The following LRRC7 variants were observed in gnomAD, a reference collection of about 807,000 sequenced individuals.
The protein encoded by LRRC7 is leucine rich repeat containing 7.
In LRRC7, 23 loss-of-function variants were observed where a neutral mutation model predicts 175.7. That is an observed-to-expected ratio of 0.13 (90% confidence interval 0.09 to 0.19). LRRC7 has a LOEUF of 0.19. LRRC7 is among the 10% of genes least tolerant of loss of function. The pLI is 1.00. For synonymous variants in LRRC7, 685 were observed against 680.9 expected, an observed-to-expected ratio of 1.01 and a Z score of -0.09; for missense variants, 1,354 against 1,904.7, an observed-to-expected ratio of 0.71 and a Z score of 5.38.
intron 2 of LRRC7, among the ~76,000 whole-genome samples, 167 bp from the exon 3 acceptor site, chr1:69,760,024 G>A (rs1440968421): frequency 6.6e-6 from 1 of 151,924 alleles, no homozygotes; most frequent in Admixed American, 6.6e-5. Flanking sequence ...CACGTACTTC[G>A]CAGGGCTGTT....
chr1:70,007,946 C>T (rs557992623), intron 11 of LRRC7, among the ~76,000 whole-genome samples: 3 of 152,184 alleles, frequency 2.0e-5, no homozygotes, highest in South Asian at 2.1e-4. Flanking sequence ...ATTTCATTTA[C>T]GTTAGATTCA....
At chr1:69,896,653 C>T (rs1410288940) in intron 7 of LRRC7, among the ~76,000 whole-genome samples, 3 of 152,158 alleles carry the variant, frequency 2.0e-5, no homozygotes, top group Non-Finnish European at 4.4e-5. Context: ...CTCATAAACT[C>T]CCAGTATCCT....
At chr1:69,788,427 GATTT>G (rs1159625059) in intron 3 of LRRC7, among the ~76,000 whole-genome samples, 1 of 152,164 alleles carries the variant, frequency 6.6e-6, no homozygotes, top group Non-Finnish European at 1.5e-5. Flanking sequence ...AACAGAAGTT[GATTT>G]CTTTTCATAC....
intron 2 of LRRC7, among the ~76,000 whole-genome samples, chr1:69,747,932 T>A (rs1302577991): frequency 6.6e-6 from 1 of 152,252 alleles, no homozygotes; most frequent in Admixed American, 6.5e-5. Flanking sequence ...GCCTTTAACT[T>A]CCTTGCAGAA....
At chr1:69,804,520 G>T (rs1053546475) in intron 4 of LRRC7, among the ~76,000 whole-genome samples, 1 of 151,456 alleles carries the variant, frequency 6.6e-6, no homozygotes. Flanking sequence ...GAAAAAATAA[G>T]TATATTAACA....
rs943587557 is a variant in LRRC7, at chr1:69,980,319, A to G, written c.712-60A>G. 4.0e-5 allele frequency: 52 copies of G among 1,308,272 alleles called. No individual in the cohort carries two copies. In the Admixed American group the frequency reaches 4.8e-4, roughly 12 times the overall value. 81.0% of individuals were successfully genotyped at this position (1,308,272 alleles called of 1,614,324 possible). A position where few individuals can be genotyped will look rare whatever the true frequency, so the allele number is the denominator to read the frequency against. ...CAAGAAATTACATCTTATGTTTGTG[A>G]TAAGTAAAAACTAATTTAATTTTGT... On this transcript the variant is annotated intron_variant, in intron 8 of 26. Coordinates refer to ENST00000651989, the MANE Select transcript of LRRC7 (RefSeq NM_001370785.2).
At chr1:69,922,405 C>A (rs1489251386) in intron 7 of LRRC7, among the ~76,000 whole-genome samples, 1 of 152,158 alleles carries the variant, frequency 6.6e-6, no homozygotes, top group Non-Finnish European at 1.5e-5. Context: ...AAGTACCTCT[C>A]CTTTTTGTTC....
chr1:70,099,551 A>G (rs1195786817), intron 25 of LRRC7, among the ~76,000 whole-genome samples: 3 of 152,146 alleles, frequency 2.0e-5, no homozygotes, highest in Non-Finnish European at 4.4e-5. Flanking sequence ...TGCAGATGAC[A>G]TGATTGTATA....
chr1:70,007,682 C>T (rs777178755), intron 11 of LRRC7, among the ~76,000 whole-genome samples: 10 of 152,090 alleles, frequency 6.6e-5, no homozygotes, highest in Non-Finnish European at 1.0e-4. Flanking sequence ...AATGAATTGT[C>T]ATGTTCCTTT....
At chr1:70,032,198 G>A (rs1257635333) in intron 18 of LRRC7, among the ~76,000 whole-genome samples, 2 of 152,150 alleles carry the variant, frequency 1.3e-5, no homozygotes, top group Non-Finnish European at 2.9e-5. Flanking sequence ...TTATTGCTTT[G>A]TTTCCCTCAA....
intron 23 of LRRC7, among the ~76,000 whole-genome samples, chr1:70,074,915 T>C (rs543607114): frequency 1.3e-5 from 2 of 152,322 alleles, no homozygotes; most frequent in South Asian, 4.1e-4. Flanking sequence ...TTAGTAATTA[T>C]CTTTTTATTA....
chr1:69,630,091 T>C (rs549723393), intron 1 of LRRC7, among the ~76,000 whole-genome samples: 16 of 152,300 alleles, frequency 1.1e-4, no homozygotes, highest in African/African-American at 3.6e-4. Flanking sequence ...GATTACATTG[T>C]ATTCTGCCTC....
chr1:69,817,989 TG>T (rs2101184663), intron 4 of LRRC7, among the ~76,000 whole-genome samples: 1 of 152,268 alleles, frequency 6.6e-6, no homozygotes, highest in Non-Finnish European at 1.5e-5. Flanking sequence ...CTACTAAATT[TG>T]CTTAATAGTT....
chr1:69,998,010 G>A (rs961753860), intron 11 of LRRC7, among the ~76,000 whole-genome samples: 4 of 152,022 alleles, frequency 2.6e-5, no homozygotes, highest in East Asian at 1.9e-4. Context: ...GGTAGAATTC[G>A]GCTGTGAATC....
chr1:69,833,168 T>C (rs561354386), intron 5 of LRRC7, among the ~76,000 whole-genome samples: 10 of 152,238 alleles, frequency 6.6e-5, no homozygotes, highest in Middle Eastern at 3.4e-3. Context: ...TGTTTATTCA[T>C]ACAGTGGAAT....
chr1:69,913,129 T>A (rs1048137025), intron 7 of LRRC7, among the ~76,000 whole-genome samples: 1 of 152,194 alleles, frequency 6.6e-6, no homozygotes, highest in African/African-American at 2.4e-5. Flanking sequence ...ATTATATATT[T>A]TCAATGTTTA....
intron 24 of LRRC7, among the ~76,000 whole-genome samples, chr1:70,089,227 T>C (rs927753181): frequency 1.3e-5 from 2 of 152,140 alleles, no homozygotes; most frequent in African/African-American, 2.4e-5. Flanking sequence ...CTAATATTCC[T>C]AAACAAAGAA....
chr1:70,099,931 TTTTTCC>T (rs1245467700), intron 25 of LRRC7, among the ~76,000 whole-genome samples: 3 of 152,158 alleles, frequency 2.0e-5, no homozygotes, highest in Non-Finnish European at 4.4e-5. Flanking sequence ...TTTCTTTTAT[TTTTTCC>T]TAAGAGTCCA....
intron 1 of LRRC7, among the ~76,000 whole-genome samples, chr1:69,591,357 T>C (rs957616762): frequency 6.6e-6 from 1 of 152,062 alleles, no homozygotes; most frequent in South Asian, 2.1e-4. Context: ...AGAATTTTTT[T>C]GGGTTGCCAC....
Sources: allele counts gnomAD v4.1 joint callset (sites outside exome capture counted in the v4.1 genomes callset), GRCh38; gene constraint gnomAD v4.1.1; transcripts MANE v1.5; gene names NCBI Gene and HGNC (gene_info 2026-07-23, HGNC 2026-07-21).